Variants in GSE1 observed in about 807,000 individuals in gnomAD.
GSE1 encodes the protein Gse1 coiled-coil protein.
GSE1 carries 32 observed loss-of-function variants against 112.6 expected under a neutral mutation model. The observed-to-expected ratio is 0.28, with a 90% CI of 0.21 to 0.38. The LOEUF (loss-of-function observed/expected upper bound fraction) is 0.38. GSE1 is among the 10% of genes least tolerant of loss of function. The pLI is 1.00. For missense variants in GSE1, 2,348 were observed against 1,699.2 expected, an observed-to-expected ratio of 1.38 and a Z score of -6.71; for synonymous variants, 1,115 against 735.6, an observed-to-expected ratio of 1.52 and a Z score of -8.35.
chr16:85,276,674 G>A (rs1387728508), intron 1 of GSE1, among the ~76,000 whole-genome samples: 1 of 152,226 alleles, frequency 6.6e-6, no homozygotes, highest in African/African-American at 2.4e-5. Context: ...GGTGGCGGGA[G>A]ACAGGATGGA....
chr16:85,463,977 G>A (rs981274823), intron 2 of GSE1, among the ~76,000 whole-genome samples: 3 of 152,186 alleles, frequency 2.0e-5, no homozygotes, highest in African/African-American at 7.2e-5. Context: ...ACAGAGAATG[G>A]GCGGGGACGC....
intron 1 of GSE1, among the ~76,000 whole-genome samples, chr16:85,209,461 C>G (rs1420158385): frequency 6.6e-6 from 1 of 152,172 alleles, no homozygotes; most frequent in African/African-American, 2.4e-5. Context: ...TCTTCTGCAT[C>G]TCTTGTGGCC....
At chr16:85,500,640 G>A (rs879304152) in intron 2 of GSE1, among the ~76,000 whole-genome samples, 6 of 152,172 alleles carry the variant, frequency 3.9e-5, no homozygotes, top group Non-Finnish European at 8.8e-5. Flanking sequence ...GCTCTGCTCT[G>A]CCCCTCTTCT....
chr16:85,190,212 G>A (rs866104972), intron 1 of GSE1, among the ~76,000 whole-genome samples: 8 of 152,334 alleles, frequency 5.3e-5, no homozygotes, highest in Middle Eastern at 3.4e-3. Context: ...TCCAGATGGT[G>A]TGTCCTTTGG....
At position 85,666,201 on chromosome 16, in the gene GSE1, C is replaced by A. The variant is rs749823481; in HGVS notation, c.2984C>A (p.Ala995Asp). The change falls in exon 13 of 16, where the codon GCT becomes GAT. Residue 995 changes from alanine to aspartate, a missense_variant. Ala to Asp is a moderately radical substitution (Grantham distance 126). Transcript: ENST00000253458. ...AGCATGCTTCACTATATCCGGGGCG[C>A]TGCACCCAAGGACATTCCTGTGCCG... ...SLSMLHYIRG[A>D]APKDIPVPLS... 2 of 1,613,636 alleles carry A rather than the reference C, an allele frequency of 1.2e-6. No individual in the cohort carries two copies. Among genetic ancestry groups the A allele is most frequent in the Admixed American group, 3.3e-5 (2 of 60,036 alleles).
At chr16:85,393,226 G>A (rs2047885963) in intron 2 of GSE1, among the ~76,000 whole-genome samples, 1 of 152,188 alleles carries the variant, frequency 6.6e-6, no homozygotes, top group South Asian at 2.1e-4. Context: ...CTGTGATTAC[G>A]CCACTTCACT....
chr16:85,569,864 C>T (rs1433843717), intron 1 of GSE1, among the ~76,000 whole-genome samples: 1 of 152,202 alleles, frequency 6.6e-6, no homozygotes, highest in Admixed American at 6.5e-5. Context: ...CCTGGACAGA[C>T]CCATTTGTAA....
chr16:85,335,334 G>A (rs968140718), intron 1 of GSE1, among the ~76,000 whole-genome samples: 1 of 152,258 alleles, frequency 6.6e-6, no homozygotes, highest in Admixed American at 6.5e-5. Context: ...CGGGTGGAGG[G>A]CCGTACTGTC....
intron 2 of GSE1, among the ~76,000 whole-genome samples, chr16:85,462,405 G>A (rs1356292399): frequency 6.6e-6 from 1 of 152,032 alleles, no homozygotes; most frequent in African/African-American, 2.4e-5. Flanking sequence ...CTCTCCTGGT[G>A]CCTGTCTTCC....
At chr16:85,630,385 C>G (rs998368846) in intron 1 of GSE1, among the ~76,000 whole-genome samples, 1 of 152,156 alleles carries the variant, frequency 6.6e-6, no homozygotes, top group African/African-American at 2.4e-5. Flanking sequence ...GGTTCTGTTA[C>G]CCAGGCTAGA....
chr16:85,370,418 T>C (rs970847201), intron 2 of GSE1, among the ~76,000 whole-genome samples: 5 of 152,146 alleles, frequency 3.3e-5, no homozygotes, highest in African/African-American at 1.2e-4. Flanking sequence ...TACACTAAGA[T>C]GGGCTCTCAC....
intron 1 of GSE1, among the ~76,000 whole-genome samples, chr16:85,289,978 T>C (rs977547275): frequency 2.0e-5 from 3 of 152,162 alleles, no homozygotes; most frequent in Non-Finnish European, 2.9e-5. Flanking sequence ...TTAACAAGCG[T>C]GTCCTTGCGG....
At chr16:85,564,956 G>C (rs2045675756) in intron 1 of GSE1, among the ~76,000 whole-genome samples, 1 of 152,188 alleles carries the variant, frequency 6.6e-6, no homozygotes, top group Non-Finnish European at 1.5e-5. Flanking sequence ...GGTGGGGAGA[G>C]TGTGGCCAGG....
intron 1 of GSE1, among the ~76,000 whole-genome samples, chr16:85,191,108 C>G (rs1448817108): frequency 6.6e-6 from 1 of 152,100 alleles, no homozygotes; most frequent in Middle Eastern, 3.4e-3. Flanking sequence ...AAAATACAAA[C>G]AATTAGCTGG....
rs2049283460 is a variant in GSE1 at position 85,437,726 on chromosome 16, T to A, written c.2464+80083T>A. ...AAGTCAATCTGCCTCCTAGTTACCT[T>A]CCTCCTGTCTAGGAATCCACAGATC... On this transcript the variant is annotated intron_variant, in intron 2 of 2. Coordinates refer to the GSE1 transcript ENST00000637419. Among the ~76,000 whole-genome samples, 3 of 152,178 alleles carry A rather than the reference T, an allele frequency of 2.0e-5. 1 individual carries two copies. The South Asian group carries it at 6.2e-4, about 32-fold the overall frequency.
At chr16:85,525,904 C>T (rs996169975) in intron 2 of GSE1, among the ~76,000 whole-genome samples, 1 of 152,178 alleles carries the variant, frequency 6.6e-6, no homozygotes, top group Non-Finnish European at 1.5e-5. Flanking sequence ...AGCCTGAGCT[C>T]GCGGCCCTCC....
intron 8 of GSE1, among the ~76,000 whole-genome samples, chr16:85,657,963 T>C (rs2052109214): frequency 6.6e-6 from 1 of 152,250 alleles, no homozygotes. Flanking sequence ...TCTCTCCATC[T>C]TCCTCTGCTT....
intron 1 of GSE1, among the ~76,000 whole-genome samples, chr16:85,589,786 T>A (rs2046895763): frequency 6.6e-6 from 1 of 151,918 alleles, no homozygotes; most frequent in African/African-American, 2.4e-5. Context: ...AATGTATGTG[T>A]GAATATGTGT....
intron 8 of GSE1, 125 bp downstream of exon 8, chr16:85,657,729 G>A (rs553486585): frequency 7.8e-6 from 5 of 639,436 alleles, no homozygotes; most frequent in East Asian, 3.2e-5. Context: ...TTTCATTTCT[G>A]TTCTTTCATC....
Sources: allele counts gnomAD v4.1 joint callset (sites outside exome capture counted in the v4.1 genomes callset), GRCh38; gene constraint gnomAD v4.1.1; transcripts MANE v1.5; gene names NCBI Gene and HGNC (gene_info 2026-07-23, HGNC 2026-07-21).